The following CNTN1 variants were observed in gnomAD, a reference collection of about 807,000 sequenced individuals.
CNTN1 encodes the protein contactin-1.
Under a neutral mutation model 126.4 loss-of-function variants are expected in CNTN1, and 38 were observed. The observed-to-expected ratio is 0.30, with a 90% CI of 0.23 to 0.39. CNTN1 has a LOEUF of 0.39. CNTN1 is among the 10% of genes least tolerant of loss of function. The pLI is 1.00. For missense variants in CNTN1, 1,009 were observed against 1,248.4 expected (o/e 0.81, Z 2.89); for synonymous variants, 413 against 422.6 (o/e 0.98, Z 0.28).
At chr12:40,883,749 T>C (rs1943945082) in intron 1 of CNTN1, among the ~76,000 whole-genome samples, 1 of 151,662 alleles carries the variant, frequency 6.6e-6, no homozygotes, top group East Asian at 1.9e-4. Context: ...ACAGGCTTAT[T>C]TAAAACTTAT....
chr12:40,720,960 T>C (rs1942190922), intron 1 of CNTN1, among the ~76,000 whole-genome samples: 2 of 150,552 alleles, frequency 1.3e-5, no homozygotes, highest in African/African-American at 2.4e-5. Flanking sequence ...AATATATATA[T>C]ATATGTGTAT....
chr12:40,834,553 G>A (rs1050910316), intron 1 of CNTN1, among the ~76,000 whole-genome samples: 1 of 152,172 alleles, frequency 6.6e-6, no homozygotes, highest in African/African-American at 2.4e-5. Context: ...TGATATATCA[G>A]TTGGCAGGGA....
chr12:41,067,657 C>T (rs1950075126), intron 23 of CNTN1, among the ~76,000 whole-genome samples: 1 of 150,006 alleles, frequency 6.7e-6, no homozygotes, highest in Admixed American at 6.6e-5. Flanking sequence ...GGGAGATATA[C>T]CTAATGCTAG....
At chr12:40,712,232 T>C (rs17120927) in intron 1 of CNTN1, among the ~76,000 whole-genome samples, 6,721 of 152,198 alleles carry the variant, frequency 0.044, 303 homozygotes, top group African/African-American at 0.12. Flanking sequence ...TTTTTCTTCT[T>C]GGAAAAAACT....
chr12:41,070,967 T>C lies in CNTN1; in HGVS notation c.*932T>C, dbSNP rs763059061. On this transcript the variant is annotated 3_prime_UTR_variant, in exon 24 of 24. Transcript: ENST00000551295. ...ACAGTTAAGTGAATATCACAATTACTAGTATGTTGGTTTTTCTGCTTCATT... is the reference window on the plus strand; with the variant it reads ...ACAGTTAAGTGAATATCACAATTACCAGTATGTTGGTTTTTCTGCTTCATT... The C allele has an allele frequency of 2.6e-5, 4 of 152,084 alleles. No homozygotes were observed. Among genetic ancestry groups the C allele is most frequent in the Non-Finnish European group, 4.4e-5 (3 of 67,994 alleles). 9.4% of individuals were successfully genotyped at this position (152,084 alleles called of 1,614,324 possible).
chr12:40,839,767 G>A (rs78663435), intron 1 of CNTN1, among the ~76,000 whole-genome samples: 15,103 of 152,088 alleles, frequency 0.099, 884 homozygotes, highest in Non-Finnish European at 0.13. Flanking sequence ...AGAAATGCTC[G>A]TCCTAAACCA....
rs781425440 is a variant in CNTN1, at chr12:40,933,982, A to T, written c.985+104A>T. ...TATAATGATTAATGGTTTTAAAAACAGTGATGCATGTTACATCATGGAGAA... is the reference window on the plus strand; with the variant it reads ...TATAATGATTAATGGTTTTAAAAACTGTGATGCATGTTACATCATGGAGAA... On this transcript the variant is annotated intron_variant, in intron 9 of 23. Transcript: ENST00000551295. The T allele has an allele frequency of 6.7e-4, 574 of 851,200 alleles. 1 individual carries two copies. The highest frequency in any genetic ancestry group is 1.0e-3 in the Non-Finnish European group (538 of 522,538). The allele number at this position is 851,200 out of a possible 1,614,324, so 52.7% of individuals were successfully genotyped here.
intron 14 of CNTN1, among the ~76,000 whole-genome samples, chr12:40,951,528 G>C (rs897404567): frequency 2.0e-5 from 3 of 151,616 alleles, no homozygotes; most frequent in African/African-American, 7.3e-5. Context: ...TGTTAATTAT[G>C]TTATGTGTGA....
intron 1 of CNTN1, among the ~76,000 whole-genome samples, chr12:40,838,120 T>C (rs1192145109): frequency 2.0e-5 from 3 of 152,208 alleles, no homozygotes; most frequent in African/African-American, 7.2e-5. Context: ...CGGCATTGCA[T>C]CTGCAAGACA....
chr12:41,019,485 T>C (rs185310814), intron 19 of CNTN1, among the ~76,000 whole-genome samples: 3 of 151,974 alleles, frequency 2.0e-5, no homozygotes, highest in Admixed American at 6.6e-5. Flanking sequence ...TGCCTTGTTT[T>C]AGAAAGTCAA....
At chr12:40,699,311 T>C (rs896497118) in intron 1 of CNTN1, among the ~76,000 whole-genome samples, 1 of 152,224 alleles carries the variant, frequency 6.6e-6, no homozygotes, top group Non-Finnish European at 1.5e-5. Flanking sequence ...AGGATTCATA[T>C]CTTTACCCTG....
intron 14 of CNTN1, among the ~76,000 whole-genome samples, chr12:40,946,539 G>C (rs573612537): frequency 6.6e-6 from 1 of 152,036 alleles, no homozygotes; most frequent in Non-Finnish European, 1.5e-5. Flanking sequence ...ATAAACCAAT[G>C]ATACCCCAAG....
chr12:40,819,641 C>A (rs34552698), intron 1 of CNTN1, among the ~76,000 whole-genome samples: 5,101 of 152,250 alleles, frequency 0.034, 118 homozygotes, highest in Middle Eastern at 0.11. Flanking sequence ...GGCTGCTGTT[C>A]CTCCCTCAAG....
At chr12:40,770,139 C>G (rs1379618992) in intron 1 of CNTN1, among the ~76,000 whole-genome samples, 1 of 152,070 alleles carries the variant, frequency 6.6e-6, no homozygotes, top group Admixed American at 6.6e-5. Context: ...CTACCAAATC[C>G]CTCTTTATAA....
chr12:40,985,630 T>C (rs2120432077), intron 16 of CNTN1, among the ~76,000 whole-genome samples: 1 of 152,330 alleles, frequency 6.6e-6, no homozygotes, highest in African/African-American at 2.4e-5. Flanking sequence ...ATGTGACTGC[T>C]TCAAGATTTC....
chr12:40,890,555 T>C (rs1236135229), intron 1 of CNTN1, among the ~76,000 whole-genome samples: 3 of 152,220 alleles, frequency 2.0e-5, no homozygotes, highest in Non-Finnish European at 4.4e-5. Context: ...TTTTACTGTC[T>C]CTGTGGTGTT....
chr12:40,761,390 C>A (rs1366518769), intron 1 of CNTN1, among the ~76,000 whole-genome samples: 1 of 152,094 alleles, frequency 6.6e-6, no homozygotes, highest in Non-Finnish European at 1.5e-5. Context: ...CCAATCTTCA[C>A]TGGAGCACTT....
chr12:40,819,910 G>A (rs997618577), intron 1 of CNTN1, among the ~76,000 whole-genome samples: 24 of 152,268 alleles, frequency 1.6e-4, no homozygotes, highest in African/African-American at 5.5e-4. Flanking sequence ...TCGGGGGAGG[G>A]GGTTCCCCTT....
At chr12:40,694,441 A>T (rs745591608) in intron 1 of CNTN1, among the ~76,000 whole-genome samples, 11 of 152,170 alleles carry the variant, frequency 7.2e-5, no homozygotes, top group Non-Finnish European at 1.3e-4. Context: ...GACACAAGTG[A>T]TTGGTTGAAA....
Sources: gnomAD v4.1 joint callset for allele counts (sites outside exome capture counted in the v4.1 genomes callset) on GRCh38, gnomAD v4.1.1 for gene constraint, MANE v1.5 for transcripts, NCBI Gene and HGNC (gene_info 2026-07-23, HGNC 2026-07-21) for gene names.